RASGRF2: variants seen among roughly 807,000 people sequenced by gnomAD.
The protein encoded by RASGRF2 is ras-specific guanine nucleotide-releasing factor 2.
RASGRF2 carries 76 observed loss-of-function variants against 151.0 expected under a neutral mutation model. The observed-to-expected ratio is 0.50, with a 90% CI of 0.42 to 0.61. The LOEUF (loss-of-function observed/expected upper bound fraction) is 0.61. Ranked by LOEUF, RASGRF2 falls within the 20% of genes least tolerant of loss-of-function variation. The probability of loss-of-function intolerance (pLI) is 0.00; values close to 1 mark genes in which losing one functional copy is unlikely to be tolerated. For missense variants in RASGRF2, 1,148 were observed against 1,564.6 expected, an observed-to-expected ratio of 0.73 and a Z score of 4.49; for synonymous variants, 504 against 566.5, an observed-to-expected ratio of 0.89 and a Z score of 1.57.
intron 17 of RASGRF2, among the ~76,000 whole-genome samples, chr5:81,132,772 G>T (rs1201159697): frequency 6.6e-6 from 1 of 152,096 alleles, no homozygotes; most frequent in Non-Finnish European, 1.5e-5. Context: ...TACCATCATT[G>T]ATCTACAAAT....
intron 19 of RASGRF2, among the ~76,000 whole-genome samples, chr5:81,203,639 A>C (rs1462249085): frequency 6.6e-6 from 1 of 152,256 alleles, no homozygotes; most frequent in Non-Finnish European, 1.5e-5. Flanking sequence ...TACCTTTTGC[A>C]GGATGTCACA....
intron 17 of RASGRF2, among the ~76,000 whole-genome samples, chr5:81,138,108 G>A (rs988920457): frequency 1.3e-5 from 2 of 152,096 alleles, no homozygotes; most frequent in Non-Finnish European, 2.9e-5. Context: ...ATCTGTTTTC[G>A]AGCTCTTTCT....
intron 17 of RASGRF2, among the ~76,000 whole-genome samples, chr5:81,141,467 A>C (rs34207428): frequency 0.18 from 27,619 of 152,052 alleles, 2,774 homozygotes; most frequent in Middle Eastern, 0.3. Context: ...TGGCATCTGG[A>C]GTGGTGAAGG....
chr5:81,012,749 T>A (rs1749508646), intron 1 of RASGRF2, among the ~76,000 whole-genome samples: 1 of 151,858 alleles, frequency 6.6e-6, no homozygotes, highest in Non-Finnish European at 1.5e-5. Flanking sequence ...AGCGAACACT[T>A]ATTGCTGTCT....
At chr5:80,976,883 C>CCAGAG (rs1748132413) in intron 1 of RASGRF2, among the ~76,000 whole-genome samples, 1 of 152,172 alleles carries the variant, frequency 6.6e-6, no homozygotes, top group East Asian at 1.9e-4. Flanking sequence ...CTCCCCAGGC[C>CCAGAG]CAGAGCAGTG....
intron 1 of RASGRF2, among the ~76,000 whole-genome samples, chr5:80,974,101 C>G (rs1177528027): frequency 6.6e-6 from 1 of 152,154 alleles, no homozygotes; most frequent in Non-Finnish European, 1.5e-5. Flanking sequence ...CATTGGTAGC[C>G]TCTGCATCAG....
chr5:81,185,873 A>G (rs939308776), intron 18 of RASGRF2, among the ~76,000 whole-genome samples: 3 of 152,240 alleles, frequency 2.0e-5, no homozygotes, highest in Admixed American at 6.5e-5. Flanking sequence ...CACCATTCTT[A>G]TAAGCAAAAA....
intron 17 of RASGRF2, among the ~76,000 whole-genome samples, chr5:81,171,739 C>G (rs894167093): frequency 1.3e-5 from 2 of 152,132 alleles, no homozygotes; most frequent in Non-Finnish European, 2.9e-5. Context: ...TATTGTCTCC[C>G]ACAAACATGT....
chr5:80,983,449 G>A (rs1382144516), intron 1 of RASGRF2, among the ~76,000 whole-genome samples: 2 of 152,228 alleles, frequency 1.3e-5, no homozygotes, highest in African/African-American at 4.8e-5. Context: ...AAGGGCAGCT[G>A]CTCTTCATCC....
At chr5:80,972,728 C>G (rs1395104154) in intron 1 of RASGRF2, among the ~76,000 whole-genome samples, 1 of 152,222 alleles carries the variant, frequency 6.6e-6, no homozygotes, top group Non-Finnish European at 1.5e-5. Flanking sequence ...GATCCGCCCA[C>G]CTCGGCCTCC....
At chr5:81,024,210 C>A (rs1749929494) in intron 1 of RASGRF2, among the ~76,000 whole-genome samples, 1 of 144,756 alleles carries the variant, frequency 6.9e-6, no homozygotes, top group African/African-American at 2.6e-5. Context: ...TAAAATTCTG[C>A]TGAAAATTTC....
intron 16 of RASGRF2, among the ~76,000 whole-genome samples, chr5:81,124,799 T>C (rs1199621017): frequency 3.3e-5 from 5 of 152,196 alleles, no homozygotes; most frequent in Non-Finnish European, 7.3e-5. Flanking sequence ...AATGTTTGCT[T>C]TTCTCTTCTT....
At chr5:81,017,614 G>A (rs555823555) in intron 1 of RASGRF2, among the ~76,000 whole-genome samples, 6 of 152,308 alleles carry the variant, frequency 3.9e-5, no homozygotes, top group South Asian at 2.1e-4. Flanking sequence ...GAACTTTAAC[G>A]TACTGTGTAA....
chr5:81,107,883 A>G (rs993546798), intron 12 of RASGRF2, among the ~76,000 whole-genome samples: 6 of 152,270 alleles, frequency 3.9e-5, no homozygotes, highest in Non-Finnish European at 8.8e-5. Flanking sequence ...ACTTGCCACA[A>G]GTGGCATCCT....
At position 81,021,152 on chromosome 5, in the gene RASGRF2, C is replaced by T. The variant is rs114273825; in HGVS notation, c.289-21725C>T. ...GAGAATGGGGCCAGTTTGTGAAGGGCGCTTGCAGCCTATGTAAGATTTGCT... is the reference window on the plus strand; with the variant it reads ...GAGAATGGGGCCAGTTTGTGAAGGGTGCTTGCAGCCTATGTAAGATTTGCT... On this transcript the variant is annotated intron_variant, in intron 1 of 26. Transcript: ENST00000265080. 3.4e-3 allele frequency among the ~76,000 whole-genome samples: 521 copies of T among 152,208 alleles called. 3 individuals carry two copies. Among genetic ancestry groups the T allele is most frequent in the African/African-American group, 0.012 (492 of 41,520 alleles).
intron 1 of RASGRF2, among the ~76,000 whole-genome samples, chr5:80,999,791 T>A (rs1438925439): frequency 6.6e-6 from 1 of 152,222 alleles, no homozygotes; most frequent in East Asian, 1.9e-4. Context: ...TTTTGTTTTG[T>A]TTTTTGTTTG....
intron 21 of RASGRF2, 105 bp from the exon 22 acceptor site, chr5:81,208,249 C>T: frequency 1.1e-6 from 1 of 936,100 alleles, no homozygotes; most frequent in Non-Finnish European, 1.6e-6. Flanking sequence ...CCATTCTAGG[C>T]CATGTCAAAT....
At chr5:80,978,856 T>C (rs1244025010) in intron 1 of RASGRF2, among the ~76,000 whole-genome samples, 1 of 152,252 alleles carries the variant, frequency 6.6e-6, no homozygotes, top group Non-Finnish European at 1.5e-5. Context: ...AGGATTCTGA[T>C]ACTTTACTGA....
chr5:81,094,525 T>C (rs1752488302), intron 11 of RASGRF2, among the ~76,000 whole-genome samples, 163 bp downstream of exon 11: 1 of 152,204 alleles, frequency 6.6e-6, no homozygotes, highest in African/African-American at 2.4e-5. Context: ...GAATTTGTTT[T>C]GTGATAGTGA....
Sources: allele counts gnomAD v4.1 joint callset (sites outside exome capture counted in the v4.1 genomes callset), GRCh38; gene constraint gnomAD v4.1.1; transcripts MANE v1.5; gene names NCBI Gene and HGNC (gene_info 2026-07-23, HGNC 2026-07-21).